AMBN: variants seen among roughly 807,000 people sequenced by gnomAD.
AMBN encodes the protein enamel matrix protein.
In AMBN, 54 loss-of-function variants were observed where a neutral mutation model predicts 48.0. That is an observed-to-expected ratio of 1.12 (90% confidence interval 0.90 to 1.41). AMBN has a LOEUF of 1.41. AMBN is among the 40% of genes most tolerant of loss of function. The pLI is 0.00. For synonymous variants in AMBN, 186 were observed against 190.0 expected (o/e 0.98, Z 0.17); for missense variants, 571 against 547.3 (o/e 1.04, Z -0.43).
chr4:70,598,363 GAC>G lies in AMBN; in HGVS notation c.145_146del (p.Gln49ValfsTer15). The G allele has an allele frequency of 6.3e-7, 1 of 1,582,696 alleles. No individual in the cohort carries two copies. The highest frequency in any genetic ancestry group is 8.6e-7 in the Non-Finnish European group (1 of 1,164,330). ...ACTTTTTTTTCTTGATAGACAATGAGACAGTTGGGAAGTCTGCAGAGATTAAA... is the reference window on the plus strand; with the variant it reads ...ACTTTTTTTTCTTGATAGACAATGAGAGTTGGGAAGTCTGCAGAGATTAAA... On this transcript the variant is annotated frameshift_variant, in exon 4 of 13. Transcript: ENST00000322937. LOFTEE classifies it high-confidence loss of function.
At chr4:70,593,419 C>T (rs1365807849) in intron 2 of AMBN, 24 bp downstream of exon 2, 4 of 1,586,010 alleles carry the variant, frequency 2.5e-6, no homozygotes, top group Non-Finnish European at 3.5e-6. Flanking sequence ...TAGAGTGTGT[C>T]CCAGAAAAGG....
chr4:70,602,642 G>C lies in AMBN; in HGVS notation c.550G>C (p.Ala184Pro), dbSNP rs772520773. Residue 184 changes from alanine (A) to proline (P), a missense_variant, in exon 7 of 13, where the codon GCT becomes CCT. By Grantham distance (27) the Ala-to-Pro change is conservative (BLOSUM62 -1). Coordinates refer to ENST00000322937, the MANE Select transcript of AMBN (RefSeq NM_016519.6). ...GATATAGCTCCCAGGAGTAGATTTT[G>C]CTGATCCACAAGGTCCATCAGTAAG... Reference protein sequence around the residue: ...PKPELPGVDFADPQGPSLPGM... With the variant: ...PKPELPGVDFPDPQGPSLPGM... 32 of 1,575,188 alleles carry C rather than the reference G, an allele frequency of 2.0e-5. No homozygotes were observed. In the East Asian group the frequency reaches 3.2e-4, roughly 16 times the overall value.
Position 70,599,623 on chromosome 4 carries a change from C to A in AMBN, c.271C>A (p.Pro91Thr), listed in dbSNP as rs1314779925. Residue 91 changes from proline to threonine, a missense_variant, in exon 5 of 13, where the codon CCA becomes ACA. By Grantham distance (38) the Pro-to-Thr change is conservative. Coordinates refer to ENST00000322937, the MANE Select transcript of AMBN (RefSeq NM_016519.6). ...PPHSSLPWMR[P>T]REHETQQYEY... The stretch of plus-strand genomic sequence containing the variant: ...ACATTCCTCTCTTCCATGGATGAGG[C>A]CAAGAGAACATGAAACTCAACAGGT... 1 of 1,611,802 alleles carries A rather than the reference C, an allele frequency of 6.2e-7. No homozygotes were observed. The highest frequency in any genetic ancestry group is 8.5e-7 in the Non-Finnish European group (1 of 1,178,572).
At position 70,603,145 on chromosome 4, in the gene AMBN, TA is replaced by T. The variant is rs1285625084; in HGVS notation, c.649-112del. The T allele has an allele frequency of 8.9e-6, 12 of 1,340,848 alleles. No individual in the cohort carries two copies. The African/African-American group carries it at 1.8e-4, about 20-fold the overall frequency. The allele number at this position is 1,340,848 out of a possible 1,614,324, so 83.1% of individuals were successfully genotyped here. ...TGGGTTCCTTTGTTCTCTTAAATAT[TA>T]AATACTTATTTTCTATACTAATCCA... On this transcript the variant is annotated intron_variant, in intron 9 of 12. Transcript: ENST00000322937.
At position 70,602,667 on chromosome 4, in the gene AMBN, G is replaced by A; in HGVS notation, c.570+5G>A. 2 of 1,573,294 alleles carry A rather than the reference G, an allele frequency of 1.3e-6. 1 individual carries two copies. The highest frequency in any genetic ancestry group is 1.7e-6 in the Non-Finnish European group (2 of 1,156,224). ...GCTGATCCACAAGGTCCATCAGTAA[G>A]TACAGATCTCAATGAGACACTTTCT... On this transcript the variant is annotated splice_donor_5th_base_variant and intron_variant, in intron 7 of 12. Coordinates refer to ENST00000322937, the MANE Select transcript of AMBN (RefSeq NM_016519.6).
intron 5 of AMBN, among the ~76,000 whole-genome samples, chr4:70,599,940 C>T (rs1048764590): frequency 1.3e-5 from 2 of 152,166 alleles, no homozygotes; most frequent in Admixed American, 1.3e-4. Context: ...ACATCCTGGA[C>T]AATTTTCATT....
At position 70,601,564 on chromosome 4, in the gene AMBN, A is replaced by G; in HGVS notation, c.441A>G (p.Pro147=). The G allele has an allele frequency of 6.2e-7, 1 of 1,614,156 alleles. No homozygotes were observed. Among genetic ancestry groups the G allele is most frequent in the Non-Finnish European group, 8.5e-7 (1 of 1,180,002 alleles). ...ATALKEALQP[P]IHLGHLPLQE... is the part of the protein sequence containing the mutation. ...CACTGAAAGAAGCACTTCAGCCTCC[A>G]ATTCACCTGGGACATCTGCCCTTGC... The change falls in exon 6 of 13, where the codon CCA becomes CCG. Residue 147 remains proline (P), a synonymous_variant. Coordinates refer to ENST00000322937, the MANE Select transcript of AMBN (RefSeq NM_016519.6).
chr4:70,606,022 G>C (rs1737634534), intron 12 of AMBN, among the ~76,000 whole-genome samples, 163 bp from the exon 13 acceptor site: 2 of 152,110 alleles, frequency 1.3e-5, no homozygotes, highest in African/African-American at 4.8e-5. Flanking sequence ...ATGTTTCAAA[G>C]CCAGTTTAGT....
chr4:70,604,428 T>C (rs1180860668), intron 12 of AMBN, among the ~76,000 whole-genome samples: 3 of 152,212 alleles, frequency 2.0e-5, no homozygotes, highest in Admixed American at 6.5e-5. Context: ...TATGTTATCA[T>C]TATCCATGCA....
chr4:70,601,851 A>G, intron 6 of AMBN, 197 bp downstream of exon 6: 1 of 695,742 alleles, frequency 1.4e-6, no homozygotes, highest in South Asian at 1.5e-5. Flanking sequence ...TTGCCATCAG[A>G]GACAGGGCAT....
chr4:70,600,971 C>T (rs989891401), intron 5 of AMBN, among the ~76,000 whole-genome samples: 11 of 152,274 alleles, frequency 7.2e-5, no homozygotes, highest in African/African-American at 2.6e-4. Context: ...TAGGCACCCA[C>T]CATGGGCCAG....
rs202245589 is a variant in AMBN at position 70,601,656 on chromosome 4, T to C, written c.531+2T>C. On this transcript the variant is annotated splice_donor_variant, in intron 6 of 12. Transcript: ENST00000322937. LOFTEE classifies it high-confidence loss of function. Reference sequence around the variant, plus strand: ...TCAGATAAGCCACCAAAGCCTGAGGTACTTCCTTTCTCTTGAAGTCAGATC... The same window carrying C: ...TCAGATAAGCCACCAAAGCCTGAGGCACTTCCTTTCTCTTGAAGTCAGATC... 7 of 1,613,390 alleles carry C rather than the reference T, an allele frequency of 4.3e-6. No individual in the cohort carries two copies. The highest frequency in any genetic ancestry group is 4.0e-5 in the African/African-American group (3 of 75,046).
chr4:70,603,812 C>T (rs7439194), intron 11 of AMBN, 65 bp from the exon 12 acceptor site: 112,210 of 1,558,450 alleles, frequency 0.072, 4,615 homozygotes, highest in African/African-American at 0.14. Flanking sequence ...TAACTTTTAA[C>T]TTTGTCTTGA....
intron 6 of AMBN, 57 bp downstream of exon 6, chr4:70,601,711 A>G (rs1053359651): frequency 1.3e-6 from 2 of 1,523,022 alleles, no homozygotes. Context: ...ATAGAAGAAA[A>G]CGAATTTGCA....
intron 12 of AMBN, 100 bp downstream of exon 12, chr4:70,604,021 A>G: frequency 8.6e-7 from 1 of 1,156,232 alleles, no homozygotes. Flanking sequence ...TAGCCAAATG[A>G]GCATGGGACT....
In AMBN at chr4:70,603,251, C is replaced by A. The variant is rs778594228; in HGVS notation, c.649-9C>A. 52 of 1,611,714 alleles carry A rather than the reference C, an allele frequency of 3.2e-5. No homozygotes were observed. The highest frequency in any genetic ancestry group is 3.9e-5 in the Non-Finnish European group (46 of 1,178,382). ...GAGAATTACTTATTCTGTTTTCTAC[C>A]ATTTAAAGATTTTCCAAATAGCCCG... On this transcript the variant is annotated splice_polypyrimidine_tract_variant and intron_variant, in intron 9 of 12. Coordinates refer to ENST00000322937, the MANE Select transcript of AMBN (RefSeq NM_016519.6).
At chr4:70,602,526 G>A (rs1445099194) in intron 6 of AMBN, 98 bp from the exon 7 acceptor site, 5 of 795,090 alleles carry the variant, frequency 6.3e-6, no homozygotes, top group African/African-American at 1.8e-5. Flanking sequence ...AGATAAGGAT[G>A]TGATCAGTTC....
intron 6 of AMBN, 50 bp downstream of exon 6, chr4:70,601,704 G>A (rs758335048): frequency 2.1e-5 from 32 of 1,545,904 alleles, no homozygotes; most frequent in East Asian, 1.1e-4. Flanking sequence ...TAACCTAATA[G>A]AAGAAAACGA....
At chr4:70,598,045 C>T (rs1037261177) in intron 3 of AMBN, among the ~76,000 whole-genome samples, 8 of 152,122 alleles carry the variant, frequency 5.3e-5, no homozygotes, top group Non-Finnish European at 1.5e-5. Flanking sequence ...GAAGCAAAGT[C>T]CTCACAATTA....
Sources: gnomAD v4.1 joint callset for allele counts (sites outside exome capture counted in the v4.1 genomes callset) on GRCh38, gnomAD v4.1.1 for gene constraint, MANE v1.5 for transcripts, NCBI Gene and HGNC (gene_info 2026-07-23, HGNC 2026-07-21) for gene names.